PCNX1: variants seen among roughly 807,000 people sequenced by gnomAD.
PCNX1 encodes the protein pecanex 1.
In PCNX1, 78 loss-of-function variants were observed where a neutral mutation model predicts 242.2. The observed-to-expected ratio is 0.32, with a 90% CI of 0.27 to 0.39. PCNX1 has a LOEUF of 0.39. Among genes scored for constraint, PCNX1 ranks in the 10% least tolerant of loss-of-function variants. PCNX1 has a pLI of 1.00. For synonymous variants in PCNX1, 1,024 were observed against 1,032.9 expected, an observed-to-expected ratio of 0.99 and a Z score of 0.17; for missense variants, 2,581 against 2,856.5, an observed-to-expected ratio of 0.90 and a Z score of 2.20.
At chr14:70,963,541 T>A (rs530309778) in intron 3 of PCNX1, among the ~76,000 whole-genome samples, 1 of 152,316 alleles carries the variant, frequency 6.6e-6, no homozygotes, top group South Asian at 2.1e-4. Flanking sequence ...TTAAGAACAA[T>A]GTTATGAAAA....
chr14:71,000,143 A>G (rs895407709), intron 8 of PCNX1, among the ~76,000 whole-genome samples: 33 of 152,170 alleles, frequency 2.2e-4, no homozygotes, highest in African/African-American at 7.2e-4. Context: ...TGAAAGTAAA[A>G]TGTTTATTTT....
At chr14:71,079,816 T>C (rs1320819033) in intron 28 of PCNX1, among the ~76,000 whole-genome samples, 1 of 152,216 alleles carries the variant, frequency 6.6e-6, no homozygotes, top group Admixed American at 6.5e-5. Context: ...TCCCATTCTG[T>C]AGGTTGCCTG....
chr14:70,972,946 A>G (rs2058584776), intron 5 of PCNX1, among the ~76,000 whole-genome samples: 1 of 152,148 alleles, frequency 6.6e-6, no homozygotes, highest in African/African-American at 2.4e-5. Context: ...AAGAGGGAGT[A>G]TAGGTAGAAA....
Position 71,070,577 on chromosome 14 carries a change from G to C in PCNX1, c.4853-2968G>C, listed in dbSNP as rs150781672. The stretch of plus-strand genomic sequence containing the variant: ...TCCATCAGAGTTCTTGGGTGATCAG[G>C]TGCATTGTCAATGAGTAGTAATATT... On this transcript the variant is annotated intron_variant, in intron 26 of 35. Transcript: ENST00000304743. Among the ~76,000 whole-genome samples, 771 of 152,332 alleles carry C rather than the reference G, an allele frequency of 5.1e-3. 8 individuals carry two copies. Among genetic ancestry groups the C allele is most frequent in the South Asian group, 9.7e-3 (47 of 4,828 alleles).
chr14:70,917,563 A>G (rs1428814865), intron 1 of PCNX1, among the ~76,000 whole-genome samples: 1 of 152,222 alleles, frequency 6.6e-6, no homozygotes, highest in African/African-American at 2.4e-5. Context: ...AGTAGGTCTC[A>G]AAGATGGGGT....
At chr14:71,008,780 T>C (rs2059740361) in intron 8 of PCNX1, among the ~76,000 whole-genome samples, 1 of 151,806 alleles carries the variant, frequency 6.6e-6, no homozygotes, top group Non-Finnish European at 1.5e-5. Flanking sequence ...CAGAGTTGTA[T>C]ACCTCATTTC....
In PCNX1 at chr14:70,977,087, T is replaced by A. The variant is rs748255561; in HGVS notation, c.750T>A (p.His250Gln). 8 of 1,614,022 alleles carry A rather than the reference T, an allele frequency of 5.0e-6. No individual in the cohort carries two copies. Among genetic ancestry groups the A allele is most frequent in the Admixed American group, 1.7e-5 (1 of 60,004 alleles). Residue 250 changes from histidine (H) to glutamine (Q), a missense_variant, in exon 6 of 36, where the codon CAT becomes CAA. Coordinates refer to ENST00000304743, the MANE Select transcript of PCNX1 (RefSeq NM_014982.3). ...TGCCAAGTCATAACCACCACCACCA[T>A]GTTGATCAGTCTCTGTCCAGCGCCT... is the stretch of plus-strand genomic sequence containing the variant. ...VNLPSHNHHH[H>Q]VDQSLSSACD...
chr14:71,019,253 ATTATTT>A (rs2060034184), intron 12 of PCNX1, 91 bp downstream of exon 12: 1 of 1,013,754 alleles, frequency 9.9e-7, no homozygotes, highest in Non-Finnish European at 1.4e-6. Flanking sequence ...TAGTAAGATA[ATTATTT>A]TTAGGCTTAC....
At chr14:70,925,133 C>T (rs2056539649) in intron 1 of PCNX1, among the ~76,000 whole-genome samples, 1 of 151,968 alleles carries the variant, frequency 6.6e-6, no homozygotes. Context: ...GGATTACAGG[C>T]GTGCGCCACA....
At chr14:70,934,679 G>C (rs2056931857) in intron 1 of PCNX1, among the ~76,000 whole-genome samples, 1 of 152,140 alleles carries the variant, frequency 6.6e-6, no homozygotes, top group South Asian at 2.1e-4. Flanking sequence ...AACTTTCCCA[G>C]ATCTTCTTGC....
At position 71,112,104 on chromosome 14, in the gene PCNX1, G is replaced by A. The variant is rs1472494016; in HGVS notation, c.*2169G>A. 1.3e-5 allele frequency: 2 copies of A among 152,224 alleles called. No individual in the cohort carries two copies. Among genetic ancestry groups the A allele is most frequent in the Non-Finnish European group, 2.9e-5 (2 of 67,866 alleles). 9.4% of individuals were successfully genotyped at this position (152,224 alleles called of 1,614,324 possible). A position where few individuals can be genotyped will look rare whatever the true frequency, so the allele number is the denominator to read the frequency against. On this transcript the variant is annotated 3_prime_UTR_variant, in exon 36 of 36. Coordinates refer to ENST00000304743, the MANE Select transcript of PCNX1 (RefSeq NM_014982.3). ...CTGAAGTGAATATGATCTTTTCATG[G>A]TCATTGCCTAGATAAAAGTAGAGCC...
At chr14:71,036,363 A>G (rs149177046) in intron 19 of PCNX1, among the ~76,000 whole-genome samples, 1 of 152,202 alleles carries the variant, frequency 6.6e-6, no homozygotes, top group Non-Finnish European at 1.5e-5. Context: ...TTTTTTGTAG[A>G]AACTGAGTCT....
intron 2 of PCNX1, among the ~76,000 whole-genome samples, chr14:70,949,322 C>CATAT (rs1566608955): frequency 2.2e-5 from 3 of 134,644 alleles, no homozygotes; most frequent in Non-Finnish European, 3.2e-5. Context: ...TAGATACACA[C>CATAT]GTGTATACAC....
chr14:70,947,870 G>T (rs936264296), intron 2 of PCNX1, among the ~76,000 whole-genome samples: 3 of 152,184 alleles, frequency 2.0e-5, no homozygotes. Context: ...GCAAGGAGCA[G>T]CCCTGGGAAA....
intron 20 of PCNX1, 81 bp from the exon 21 acceptor site, chr14:71,046,883 G>A: frequency 9.2e-7 from 1 of 1,092,372 alleles, no homozygotes; most frequent in African/African-American, 1.6e-5. Context: ...TACTAAATTT[G>A]TTGTAAAATT....
intron 7 of PCNX1, among the ~76,000 whole-genome samples, chr14:70,993,277 T>C (rs1025202272): frequency 5.9e-5 from 9 of 151,388 alleles, no homozygotes; most frequent in African/African-American, 1.5e-4. Flanking sequence ...CCCGCCACCA[T>C]GCCCGGCTAA....
At position 70,995,781 on chromosome 14, in the gene PCNX1, G is replaced by A; in HGVS notation, c.2485G>A (p.Val829Ile). 6.2e-7 allele frequency: 1 copy of A among 1,614,064 alleles called. No individual in the cohort carries two copies. Among genetic ancestry groups the A allele is most frequent in the Non-Finnish European group, 8.5e-7 (1 of 1,180,022 alleles). ...GCAAGGCCAGCAGTCCACAGCCCAG[G>A]TCAAAGTCCAGTCCCGCCCCCCTTC... is the stretch of plus-strand genomic sequence containing the variant. Reference protein sequence around the residue: ...GQQGQQSTAQVKVQSRPPSQA... With the variant: ...GQQGQQSTAQIKVQSRPPSQA... Residue 829 changes from valine to isoleucine, a missense_variant, in exon 8 of 36, where the codon GTC becomes ATC. Coordinates refer to ENST00000304743, the MANE Select transcript of PCNX1 (RefSeq NM_014982.3).
At chr14:70,942,160 C>A (rs1391693009) in intron 1 of PCNX1, among the ~76,000 whole-genome samples, 1 of 152,092 alleles carries the variant, frequency 6.6e-6, no homozygotes, top group African/African-American at 2.4e-5. Flanking sequence ...GTGAGGTGAA[C>A]CCTGTACCTC....
At chr14:70,931,623 G>C (rs1219932430) in intron 1 of PCNX1, among the ~76,000 whole-genome samples, 1 of 152,020 alleles carries the variant, frequency 6.6e-6, no homozygotes, top group Non-Finnish European at 1.5e-5. Context: ...AGATTTTTTT[G>C]GTATTATTTA....
Sources: allele counts gnomAD v4.1 joint callset (sites outside exome capture counted in the v4.1 genomes callset), GRCh38; gene constraint gnomAD v4.1.1; transcripts MANE v1.5; gene names NCBI Gene and HGNC (gene_info 2026-07-23, HGNC 2026-07-21).